GYPB: variants seen among roughly 807,000 people sequenced by gnomAD.
GYPB encodes glycophorin-B.
A neutral mutation model predicts 15.3 loss-of-function variants in GYPB; 13 were observed. That is an observed-to-expected ratio of 0.85 (90% CI 0.55 to 1.35). GYPB has a LOEUF of 1.35. Among genes scored for constraint, GYPB ranks in the 40% most tolerant of loss-of-function variants. The probability of loss-of-function intolerance (pLI) is 0.00; values close to 1 mark genes in which losing one functional copy is unlikely to be tolerated. For missense variants in GYPB, 131 were observed against 108.3 expected (o/e 1.21, Z -0.93); for synonymous variants, 38 against 36.9 (o/e 1.03, Z -0.11).
intron 1 of GYPB, among the ~76,000 whole-genome samples, chr4:144,005,376 TG>T (rs1167949115): frequency 6.6e-6 from 1 of 151,950 alleles, no homozygotes; most frequent in Non-Finnish European, 1.5e-5. Flanking sequence ...CAGCAAGCAT[TG>T]GGGCATATTG....
Position 144,018,732 on chromosome 4 carries a change from GT to G in GYPB, c.37+518del, listed in dbSNP as rs946617600. On this transcript the variant is annotated intron_variant, in intron 1 of 4. Transcript: ENST00000502664. ...ACCTAAGCCAGTAAGAGTTGTTTTT[GT>G]TTTTTTTCTTCCTATGTGACACTTT... 5.4e-5 allele frequency among the ~76,000 whole-genome samples: 8 copies of G among 149,430 alleles called. No homozygotes were observed. In the East Asian group the frequency reaches 6.0e-4, roughly 11 times the overall value.
chr4:144,014,694 G>C (rs1470689135), intron 1 of GYPB, among the ~76,000 whole-genome samples: 2 of 151,424 alleles, frequency 1.3e-5, no homozygotes, highest in African/African-American at 2.5e-5. Context: ...TCTGGAACTA[G>C]ATAATGGTGA....
At chr4:144,019,123 A>C in intron 1 of GYPB, 128 bp downstream of exon 1, 1 of 1,442,252 alleles carries the variant, frequency 6.9e-7, no homozygotes, top group East Asian at 2.5e-5. Flanking sequence ...TCCATCCACC[A>C]GACTGGAAGA....
At chr4:144,018,825 C>T (rs145714907) in intron 1 of GYPB, among the ~76,000 whole-genome samples, 2,035 of 150,926 alleles carry the variant, frequency 0.013, 25 homozygotes, top group Non-Finnish European at 0.023. Context: ...TGGCTTCTCA[C>T]CATTTGGCAG....
intron 3 of GYPB, 56 bp from the exon 4 acceptor site, chr4:143,997,690 A>G: frequency 1.1e-6 from 1 of 882,944 alleles, no homozygotes; most frequent in East Asian, 2.4e-5. Flanking sequence ...ATAGCAATAG[A>G]AAAATAAGAC....
intron 4 of GYPB, among the ~76,000 whole-genome samples, chr4:143,996,626 C>T (rs1163991895): frequency 6.6e-6 from 1 of 150,484 alleles, no homozygotes; most frequent in African/African-American, 2.5e-5. Context: ...AAAAATTAGT[C>T]AGGCATGGTA....
chr4:144,005,148 A>G (rs1727838962), intron 1 of GYPB, among the ~76,000 whole-genome samples: 1 of 151,972 alleles, frequency 6.6e-6, no homozygotes, highest in Non-Finnish European at 1.5e-5. Flanking sequence ...CATTTAAGCT[A>G]GAAAACCACT....
At chr4:144,019,180 G>C (rs41279321) in intron 1 of GYPB, 71 bp downstream of exon 1, 198,275 of 1,605,510 alleles carry the variant, frequency 0.12, 14,047 homozygotes, top group Non-Finnish European at 0.15. Flanking sequence ...AACTGAAATA[G>C]GGTAGTTCAT....
At chr4:144,019,047 T>A (rs1728650544) in intron 1 of GYPB, among the ~76,000 whole-genome samples, 1 of 151,290 alleles carries the variant, frequency 6.6e-6, no homozygotes, top group Non-Finnish European at 1.5e-5. Flanking sequence ...GAAAACTGGA[T>A]TCGGCCATAA....
At position 143,999,457 on chromosome 4, in the gene GYPB, G is replaced by A. The variant is rs183176514; in HGVS notation, c.137-8C>T. The stretch of plus-strand genomic sequence containing the variant: ...CAAGTTGTCCCGTTTCTCCTATAAA[G>A]CAAAATTTCAATGTAAGTCCAAATA... On this transcript the variant is annotated splice_polypyrimidine_tract_variant and splice_region_variant and intron_variant, in intron 2 of 4. Coordinates refer to ENST00000502664, the MANE Select transcript of GYPB (RefSeq NM_002100.6). The A allele has an allele frequency of 8.0e-5, 117 of 1,455,508 alleles. 1 individual carries two copies. In the African/African-American group the frequency reaches 1.3e-3, roughly 17 times the overall value. 90.2% of individuals were successfully genotyped at this position (1,455,508 alleles called of 1,614,324 possible).
chr4:144,007,718 AG>A (rs1246480474), intron 1 of GYPB, among the ~76,000 whole-genome samples: 3 of 151,576 alleles, frequency 2.0e-5, no homozygotes, highest in African/African-American at 4.9e-5. Context: ...GATCTGTGAA[AG>A]TCTCTGAAAT....
chr4:143,998,850 A>G (rs1308780974), intron 3 of GYPB, among the ~76,000 whole-genome samples: 1 of 142,614 alleles, frequency 7.0e-6, no homozygotes, highest in African/African-American at 2.6e-5. Context: ...CTTAAGAGAA[A>G]AACTATTACC....
Position 144,018,178 on chromosome 4 carries a change from A to G in GYPB, c.37+1073T>C, listed in dbSNP as rs184614652. On this transcript the variant is annotated intron_variant, in intron 1 of 4. Coordinates refer to ENST00000502664, the MANE Select transcript of GYPB (RefSeq NM_002100.6). ...TTTGTTTAATCTTTATGCAATTATT[A>G]TGAGGTAAGTACCAACATTGCCTGC... Among the ~76,000 whole-genome samples the G allele has an allele frequency of 1.1e-3, 160 of 151,552 alleles. 10 individuals carry two copies. Among genetic ancestry groups the G allele is most frequent in the African/African-American group, 3.7e-3 (151 of 40,842 alleles).
intron 1 of GYPB, among the ~76,000 whole-genome samples, chr4:144,018,576 T>G (rs1728624154): frequency 6.6e-6 from 1 of 151,260 alleles, no homozygotes; most frequent in Admixed American, 6.6e-5. Flanking sequence ...AAAATCATGT[T>G]AATTTAAGAC....
Position 143,996,167 on chromosome 4 carries a change from G to A in GYPB, c.*132C>T, listed in dbSNP as rs1382829753. ...AGAATACAGTAATAGTGAGGCAGGA[G>A]AACAGGGAATTAGGATAGCCAGGGG... On this transcript the variant is annotated 3_prime_UTR_variant, in exon 5 of 5. Transcript: ENST00000502664. 2 of 1,527,092 alleles carry A rather than the reference G, an allele frequency of 1.3e-6. No homozygotes were observed. The highest frequency in any genetic ancestry group is 2.0e-5 in the Admixed American group (1 of 49,770). 94.6% of individuals were successfully genotyped at this position (1,527,092 alleles called of 1,614,324 possible). A position where few individuals can be genotyped will look rare whatever the true frequency, so the allele number is the denominator to read the frequency against.
At chr4:143,998,932 G>C (rs1047053991) in intron 3 of GYPB, among the ~76,000 whole-genome samples, 1 of 150,066 alleles carries the variant, frequency 6.7e-6, no homozygotes, top group Admixed American at 6.6e-5. Context: ...TTGAGACAGG[G>C]TCTTACCAAG....
chr4:144,011,284 G>T (rs1728207788), intron 1 of GYPB, among the ~76,000 whole-genome samples: 1 of 151,452 alleles, frequency 6.6e-6, no homozygotes, highest in South Asian at 2.1e-4. Context: ...GGAGGCTGAG[G>T]CAGGAGAATT....
intron 1 of GYPB, 73 bp downstream of exon 1, chr4:144,019,178 T>C: frequency 6.2e-7 from 1 of 1,606,086 alleles, no homozygotes; most frequent in Admixed American, 1.7e-5. Flanking sequence ...AGAACTGAAA[T>C]AGGGTAGTTC....
At chr4:144,011,611 G>T (rs1000589356) in intron 1 of GYPB, among the ~76,000 whole-genome samples, 2 of 151,060 alleles carry the variant, frequency 1.3e-5, no homozygotes, top group Non-Finnish European at 2.9e-5. Context: ...ATACCATTGA[G>T]AAATTTTAAG....
Sources: gnomAD v4.1 joint callset for allele counts (sites outside exome capture counted in the v4.1 genomes callset) on GRCh38, gnomAD v4.1.1 for gene constraint, MANE v1.5 for transcripts, NCBI Gene and HGNC (gene_info 2026-07-23, HGNC 2026-07-21) for gene names.